Variants in ST7 observed in about 807,000 individuals in gnomAD.
ST7 encodes the protein suppressor of tumorigenicity 7 protein.
A neutral mutation model predicts 78.7 loss-of-function variants in ST7; 28 were observed. The ratio of observed to expected loss-of-function variants is 0.36; its 90% confidence interval spans 0.26 to 0.49. The LOEUF is 0.49. ST7 is among the 20% of genes least tolerant of loss of function. The probability of loss-of-function intolerance (pLI) is 0.99; values close to 1 mark genes in which losing one functional copy is unlikely to be tolerated. For missense variants in ST7, 418 were observed against 696.0 expected (o/e 0.60, Z 4.49); for synonymous variants, 247 against 249.6 (o/e 0.99, Z 0.10).
At chr7:117,037,827 G>C (rs1439378629) in intron 1 of ST7, among the ~76,000 whole-genome samples, 3 of 152,144 alleles carry the variant, frequency 2.0e-5, no homozygotes, top group Non-Finnish European at 4.4e-5. Flanking sequence ...CTTCTCAATG[G>C]CCAGTGGATG....
chr7:117,222,652 A>G (rs1217779953), intron 15 of ST7, among the ~76,000 whole-genome samples: 1 of 152,176 alleles, frequency 6.6e-6, no homozygotes, highest in African/African-American at 2.4e-5. Context: ...ACAGCCAAGA[A>G]CCATTGTTTC....
rs1029414723 is a variant in ST7, at chr7:117,136,107, C to T, written c.737C>T (p.Ala246Val). Residue 246 changes from alanine to valine, a missense_variant, in exon 8 of 16, where the codon GCT becomes GTT. Physicochemically the swap from Ala to Val is moderately conservative, Grantham distance 64. Around this residue, in one of 4 missense-constraint regions of ST7, gnomAD observed 288 missense variants for 537.1 expected, o/e 0.54. Coordinates refer to ENST00000323984, the MANE Select transcript of ST7 (RefSeq NM_001369598.1). ...PKCATAYILL[A>V]EEEATTIAEA... ...TGTGCAACTGCTTATATTCTCTTGGCTGAAGAGGAAGCAACAACCATTGCT... is the reference window on the plus strand; with the variant it reads ...TGTGCAACTGCTTATATTCTCTTGGTTGAAGAGGAAGCAACAACCATTGCT... 1.2e-6 allele frequency: 2 copies of T among 1,613,248 alleles called. No individual in the cohort carries two copies. Among genetic ancestry groups the T allele is most frequent in the African/African-American group, 2.7e-5 (2 of 74,834 alleles).
At position 117,134,211 on chromosome 7, in the gene ST7, G is replaced by A; in HGVS notation, c.710+19G>A. On this transcript the variant is annotated intron_variant, in intron 7 of 15. Transcript: ENST00000323984. ...TACCAAAGTAAGTCAAGAACCTGTT[G>A]GGTGCCCTACTTCTAACCAAATGAG... The A allele has an allele frequency of 6.2e-7, 1 of 1,611,164 alleles. No homozygotes were observed. The highest frequency in any genetic ancestry group is 8.5e-7 in the Non-Finnish European group (1 of 1,178,474).
intron 10 of ST7, among the ~76,000 whole-genome samples, chr7:117,171,253 C>T (rs1807966848): frequency 6.6e-6 from 1 of 152,130 alleles, no homozygotes; most frequent in South Asian, 2.1e-4. Flanking sequence ...CTACTCTGCT[C>T]TATTACCTCT....
intron 1 of ST7, among the ~76,000 whole-genome samples, chr7:117,092,393 G>A (rs1399343872): frequency 1.3e-5 from 2 of 148,860 alleles, no homozygotes; most frequent in African/African-American, 4.9e-5. Flanking sequence ...GCGTTTGTCT[G>A]TCACAGGGTC....
At chr7:117,084,270 AGT>A (rs892837411) in intron 1 of ST7, among the ~76,000 whole-genome samples, 1 of 152,112 alleles carries the variant, frequency 6.6e-6, no homozygotes. Flanking sequence ...GGCAGTGTAG[AGT>A]TTGGGTTAGA....
At chr7:117,132,857 T>C (rs1272868918) in intron 6 of ST7, among the ~76,000 whole-genome samples, 5 of 151,874 alleles carry the variant, frequency 3.3e-5, no homozygotes, top group Non-Finnish European at 5.9e-5. Flanking sequence ...AGGCCAGGAA[T>C]AGAGCCCTGT....
chr7:117,164,947 G>C (rs1807428401), intron 9 of ST7, among the ~76,000 whole-genome samples: 1 of 152,128 alleles, frequency 6.6e-6, no homozygotes, highest in African/African-American at 2.4e-5. Context: ...ATGATGCTGT[G>C]ACTTTAGGAG....
At chr7:117,172,598 C>T (rs1279600839) in intron 10 of ST7, among the ~76,000 whole-genome samples, 2 of 152,170 alleles carry the variant, frequency 1.3e-5, no homozygotes, top group Admixed American at 6.5e-5. Flanking sequence ...TAAAATCTTA[C>T]TCATGGTTCA....
chr7:117,093,428 G>A (rs947248094), intron 1 of ST7, among the ~76,000 whole-genome samples: 1 of 152,196 alleles, frequency 6.6e-6, no homozygotes, highest in African/African-American at 2.4e-5. Flanking sequence ...CAGGCCGGGT[G>A]CAGTGGCTCA....
intron 13 of ST7, among the ~76,000 whole-genome samples, chr7:117,218,387 T>C (rs1246908316): frequency 3.3e-5 from 5 of 152,146 alleles, no homozygotes; most frequent in African/African-American, 1.2e-4. Context: ...AAGGATGGAT[T>C]GATTGGAAAG....
At chr7:116,963,673 A>G in intron 1 of ST7, among the ~76,000 whole-genome samples, 1 of 137,076 alleles carries the variant, frequency 7.3e-6, no homozygotes, top group Non-Finnish European at 1.5e-5. Context: ...ACTCTGTAGG[A>G]GTGCACTGGA....
At chr7:117,057,094 A>G (rs1798101790) in intron 1 of ST7, among the ~76,000 whole-genome samples, 1 of 151,876 alleles carries the variant, frequency 6.6e-6, no homozygotes, top group South Asian at 2.1e-4. Flanking sequence ...GAGTCTTTAT[A>G]TTTTTTTCTC....
intron 2 of ST7, among the ~76,000 whole-genome samples, chr7:117,117,205 T>C (rs140130855): frequency 3.0e-3 from 458 of 152,296 alleles, no homozygotes; most frequent in Non-Finnish European, 5.7e-3. Context: ...TAAGGTCCTT[T>C]TTAGCGCTGA....
intron 1 of ST7, among the ~76,000 whole-genome samples, chr7:117,053,365 A>G (rs543513189): frequency 6.6e-5 from 10 of 152,370 alleles, no homozygotes; most frequent in African/African-American, 2.4e-4. Flanking sequence ...CGAAGGTGCC[A>G]GAGTTAAACA....
chr7:117,189,306 C>A lies in ST7; in HGVS notation c.1079-15C>A, dbSNP rs753763816. 1.3e-6 allele frequency: 2 copies of A among 1,593,506 alleles called. No homozygotes were observed. The highest frequency in any genetic ancestry group is 1.7e-5 in the Admixed American group (1 of 58,506). On this transcript the variant is annotated splice_polypyrimidine_tract_variant and intron_variant, in intron 10 of 15. Transcript: ENST00000323984. The stretch of plus-strand genomic sequence containing the variant: ...CTGCAAACTTATGTGTTCCTACTTT[C>A]TTTTTCTCCAACAGATATAAGCTTA...
chr7:117,050,194 G>A (rs956819606), intron 1 of ST7, among the ~76,000 whole-genome samples: 2 of 147,396 alleles, frequency 1.4e-5, no homozygotes, highest in East Asian at 2.0e-4. Context: ...CAGCCTGGGC[G>A]ACAGAGTGAG....
intron 9 of ST7, among the ~76,000 whole-genome samples, chr7:117,148,276 T>C (rs1458528751): frequency 6.6e-6 from 1 of 152,182 alleles, no homozygotes; most frequent in Non-Finnish European, 1.5e-5. Flanking sequence ...ATGTCTCTTA[T>C]ATTTATCTTC....
chr7:116,959,062 G>T (rs1792685206), intron 1 of ST7: 14 of 416,404 alleles, frequency 3.4e-5, no homozygotes, highest in South Asian at 2.6e-4. Flanking sequence ...CCCACAGTAG[G>T]ACTTTCAGAA....
Sources: gnomAD v4.1 joint callset for allele counts (sites outside exome capture counted in the v4.1 genomes callset) on GRCh38, gnomAD v4.1.1 for gene constraint, gnomAD v4.1.1 regional missense constraint, MANE v1.5 for transcripts, NCBI Gene and HGNC (gene_info 2026-07-23, HGNC 2026-07-21) for gene names.